EFL1: variants seen among roughly 807,000 people sequenced by gnomAD.
EFL1 encodes the protein elongation factor like GTPase 1, also known as elongation factor-like GTPase 1.
Under a neutral mutation model 126.7 loss-of-function variants are expected in EFL1, and 76 were observed. The ratio of observed to expected loss-of-function variants is 0.60; its 90% CI spans 0.50 to 0.73. The LOEUF is 0.73. EFL1 is among the 30% of genes least tolerant of loss of function. The probability of loss-of-function intolerance (pLI) is 0.00; values close to 1 mark genes in which losing one functional copy is unlikely to be tolerated. For missense variants in EFL1, 1,128 were observed against 1,343.2 expected, an observed-to-expected ratio of 0.84 and a Z score of 2.50; for synonymous variants, 410 against 448.4, an observed-to-expected ratio of 0.91 and a Z score of 1.08.
chr15:82,183,809 A>C (rs1417693342), intron 15 of EFL1, among the ~76,000 whole-genome samples: 1 of 152,236 alleles, frequency 6.6e-6, no homozygotes, highest in African/African-American at 2.4e-5. Context: ...AATAAAACCA[A>C]GCACAGGATT....
At chr15:82,157,173 A>G (rs1023708550) in intron 17 of EFL1, among the ~76,000 whole-genome samples, 1 of 152,246 alleles carries the variant, frequency 6.6e-6, no homozygotes. Context: ...TTTCTGCATG[A>G]TAACTGAATG....
chr15:82,199,685 A>G (rs2074446803), intron 15 of EFL1, among the ~76,000 whole-genome samples: 1 of 152,248 alleles, frequency 6.6e-6, no homozygotes, highest in African/African-American at 2.4e-5. Context: ...CTATGTATGC[A>G]TGTATTATGC....
At chr15:82,241,127 T>G in intron 5 of EFL1, 143 bp downstream of exon 5, 1 of 892,712 alleles carries the variant, frequency 1.1e-6, no homozygotes, top group Non-Finnish European at 1.7e-6. Context: ...TCTGGTGATT[T>G]AACTCCTTCA....
At chr15:82,157,089 T>C (rs994096173) in intron 17 of EFL1, among the ~76,000 whole-genome samples, 3 of 152,228 alleles carry the variant, frequency 2.0e-5, no homozygotes, top group South Asian at 2.1e-4. Context: ...CAGAACTGTG[T>C]ATATAGATAT....
intron 15 of EFL1, among the ~76,000 whole-genome samples, chr15:82,210,213 T>C (rs779808616): frequency 2.0e-5 from 3 of 152,204 alleles, no homozygotes; most frequent in Non-Finnish European, 2.9e-5. Context: ...TTTTAAAACA[T>C]AGCCACAAAT....
chr15:82,261,221 G>A (rs2075112973), intron 2 of EFL1, among the ~76,000 whole-genome samples: 2 of 131,492 alleles, frequency 1.5e-5, no homozygotes, highest in South Asian at 2.3e-4. Context: ...TTTTTCTCTT[G>A]TTTGTCTCAT....
intron 15 of EFL1, among the ~76,000 whole-genome samples, chr15:82,211,592 C>CACACACACACACACACACACA (rs1567064834): frequency 1.2e-4 from 7 of 60,130 alleles, no homozygotes; most frequent in East Asian, 9.2e-4. Context: ...TAGACACATA[C>CACACACACACACACACACACA]TAGACACACA....
chr15:82,241,811 A>G, intron 4 of EFL1, among the ~76,000 whole-genome samples: 1 of 152,238 alleles, frequency 6.6e-6, no homozygotes, highest in Non-Finnish European at 1.5e-5. Flanking sequence ...AGAGCTGTTC[A>G]AAGGGCCAAC....
At chr15:82,142,877 C>G (rs1325434857) in intron 18 of EFL1, among the ~76,000 whole-genome samples, 2 of 152,128 alleles carry the variant, frequency 1.3e-5, no homozygotes, top group East Asian at 1.9e-4. Flanking sequence ...CATTCAAGGC[C>G]CATTCAAAAA....
At position 82,229,086 on chromosome 15, in the gene EFL1, C is replaced by A. The variant is rs781374902; in HGVS notation, c.880G>T (p.Val294Leu). The A allele has an allele frequency of 1.6e-5, 26 of 1,611,130 alleles. No individual in the cohort carries two copies. The highest frequency in any genetic ancestry group is 2.7e-5 in the African/African-American group (2 of 74,784). Residue 294 changes from valine to leucine, a missense_variant, in exon 9 of 20, where the codon GTA (valine) becomes TTA (leucine). Transcript: ENST00000268206. ...CATATATTTTCCAGGATCAACTGTA[C>A]AAATAAAGGTTTCTTTCCTTTGGCC... The part of the protein sequence containing the change: ...DQAKGKKPLF[V>L]QLILENIWSL...
chr15:82,213,766 G>A (rs1358561565), intron 15 of EFL1, among the ~76,000 whole-genome samples: 1 of 152,172 alleles, frequency 6.6e-6, no homozygotes, highest in African/African-American at 2.4e-5. Context: ...TTAATAAGAT[G>A]TATCAATTGT....
intron 18 of EFL1, among the ~76,000 whole-genome samples, chr15:82,139,163 T>A (rs2073758335): frequency 6.6e-6 from 1 of 152,194 alleles, no homozygotes; most frequent in African/African-American, 2.4e-5. Flanking sequence ...TATCTTTGGG[T>A]CTGAAATCCA....
intron 15 of EFL1, among the ~76,000 whole-genome samples, chr15:82,207,538 C>T (rs1264123049): frequency 6.6e-6 from 1 of 151,828 alleles, no homozygotes; most frequent in East Asian, 1.9e-4. Flanking sequence ...TTAAAAAATG[C>T]TACTGAACTG....
chr15:82,147,221 G>C (rs570540540), intron 18 of EFL1, among the ~76,000 whole-genome samples: 12 of 152,256 alleles, frequency 7.9e-5, no homozygotes, highest in Middle Eastern at 3.4e-3. Flanking sequence ...TAATGTAGAA[G>C]AGATGGCAAT....
rs1296868560 is a variant in EFL1 at position 82,238,206 on chromosome 15, A to G, written c.731+101T>C. ...ACTCTCTGCATTATCTCTTACAACT[A>G]TAGGTGAATCTATAATTATCTCAAA... On this transcript the variant is annotated intron_variant, in intron 7 of 19. Coordinates refer to ENST00000268206, the MANE Select transcript of EFL1 (RefSeq NM_024580.6). 14 of 1,284,624 alleles carry G rather than the reference A, an allele frequency of 1.1e-5. No homozygotes were observed. The South Asian group carries it at 1.2e-4, about 11-fold the overall frequency. The allele number at this position is 1,284,624 out of a possible 1,614,324, so 79.6% of individuals were successfully genotyped here. A position where few individuals can be genotyped will look rare whatever the true frequency, so the allele number is the denominator to read the frequency against.
intron 15 of EFL1, among the ~76,000 whole-genome samples, chr15:82,211,619 C>CACACACACA (rs1595985795): frequency 2.1e-5 from 3 of 145,004 alleles, no homozygotes; most frequent in African/African-American, 5.1e-5. Flanking sequence ...CACACACACA[C>CACACACACA]TAGACTCTCT....
chr15:82,194,776 A>G (rs531490007), intron 15 of EFL1, among the ~76,000 whole-genome samples: 1 of 152,314 alleles, frequency 6.6e-6, no homozygotes, highest in East Asian at 1.9e-4. Flanking sequence ...TTTACTCAAA[A>G]AGATAGATGA....
At chr15:82,235,671 AAATAAG>A (rs1380689717) in intron 7 of EFL1, among the ~76,000 whole-genome samples, 1 of 152,184 alleles carries the variant, frequency 6.6e-6, no homozygotes, top group African/African-American at 2.4e-5. Flanking sequence ...ACATTCAGAA[AAATAAG>A]AATATTAGGG....
intron 15 of EFL1, among the ~76,000 whole-genome samples, chr15:82,192,612 T>C (rs1322627147): frequency 2.0e-5 from 3 of 152,174 alleles, no homozygotes; most frequent in African/African-American, 7.2e-5. Flanking sequence ...AAACATTACA[T>C]TATTTGGGTT....
Sources: allele counts gnomAD v4.1 joint callset (sites outside exome capture counted in the v4.1 genomes callset), GRCh38; gene constraint gnomAD v4.1.1; transcripts MANE v1.5; gene names NCBI Gene and HGNC (gene_info 2026-07-23, HGNC 2026-07-21).